The following GPCPD1 variants were observed in gnomAD, a reference collection of about 807,000 sequenced individuals.
The protein encoded by GPCPD1 is glycerophosphocholine phosphodiesterase 1, also known as glycerophosphocholine phosphodiesterase GPCPD1.
A neutral mutation model predicts 89.2 loss-of-function variants in GPCPD1; 29 were observed. The observed-to-expected ratio is 0.33, with a 90% CI of 0.24 to 0.44. The LOEUF (loss-of-function observed/expected upper bound fraction) is 0.44, where lower values mean the gene tolerates loss of function less well. Ranked by LOEUF, GPCPD1 falls within the 20% of genes least tolerant of loss-of-function variation. The pLI, the probability that GPCPD1 is intolerant of heterozygous loss-of-function variation, is 1.00. For missense variants in GPCPD1, 594 were observed against 808.9 expected, an observed-to-expected ratio of 0.73 and a Z score of 3.22; for synonymous variants, 258 against 266.3, an observed-to-expected ratio of 0.97 and a Z score of 0.30.
chr20:5,600,706 C>CA (rs2122791318), intron 2 of GPCPD1, among the ~76,000 whole-genome samples: 1 of 152,290 alleles, frequency 6.6e-6, no homozygotes, highest in South Asian at 2.1e-4. Context: ...GTAGCAGGCA[C>CA]CTGTAATCCC....
At chr20:5,556,931 T>C (rs1354523631) in intron 19 of GPCPD1, among the ~76,000 whole-genome samples, 1 of 152,182 alleles carries the variant, frequency 6.6e-6, no homozygotes, top group Non-Finnish European at 1.5e-5. Context: ...GAATATGTGG[T>C]GTGTCAGATG....
chr20:5,548,813 C>A, intron 19 of GPCPD1: 1 of 529,126 alleles, frequency 1.9e-6, no homozygotes, highest in African/African-American at 2.0e-5. Flanking sequence ...GAGTTAAAAG[C>A]AGGAGCAGAT....
intron 4 of GPCPD1, among the ~76,000 whole-genome samples, chr20:5,589,209 T>C (rs940445801): frequency 3.3e-5 from 5 of 152,146 alleles, no homozygotes; most frequent in African/African-American, 7.2e-5. Flanking sequence ...TGTTATAATA[T>C]AGAAAAAAAA....
chr20:5,579,977 T>C (rs1978344533), intron 7 of GPCPD1, 31 bp downstream of exon 7: 5 of 1,422,534 alleles, frequency 3.5e-6, no homozygotes, highest in East Asian at 4.6e-5. Context: ...TGAAAACAAA[T>C]AGCCTAAGTA....
chr20:5,576,481 C>T (rs1440449650), intron 8 of GPCPD1, among the ~76,000 whole-genome samples: 2 of 150,394 alleles, frequency 1.3e-5, no homozygotes, highest in Non-Finnish European at 3.0e-5. Context: ...CTCACAAAGT[C>T]AACTGAGAAT....
intron 8 of GPCPD1, 56 bp from the exon 9 acceptor site, chr20:5,576,034 T>TAC (rs1978287822): frequency 2.5e-6 from 2 of 810,224 alleles, no homozygotes; most frequent in Admixed American, 2.1e-5. Context: ...ATTACATACA[T>TAC]ACATATACAC....
rs1205280340 is a variant in GPCPD1 at position 5,562,625 on chromosome 20, T to C, written c.1330-1095A>G. On this transcript the variant is annotated intron_variant, in intron 15 of 19. Transcript: ENST00000379019. ...AAAATTTTAGGTATCAAAGAACATG[T>C]ATAGCACATATGGTATTTAATTTTT... Among the ~76,000 whole-genome samples the C allele has an allele frequency of 2.0e-5, 3 of 152,326 alleles. No homozygotes were observed. In the East Asian group the frequency reaches 5.8e-4, roughly 29 times the overall value.
intron 19 of GPCPD1, among the ~76,000 whole-genome samples, chr20:5,557,234 T>A (rs1175869256): frequency 6.6e-6 from 1 of 152,098 alleles, no homozygotes; most frequent in East Asian, 1.9e-4. Flanking sequence ...TGATCAGACA[T>A]AGGTCTTAAA....
rs538778852 is a variant in GPCPD1, at chr20:5,601,710, C to T, written c.49+2654G>A. On this transcript the variant is annotated intron_variant, in intron 2 of 19. Transcript: ENST00000379019. ...AACAAAAAAAACTTCTTCATGGACT[C>T]GTTATTTCTCATCCCCCACATAAAA... is the stretch of plus-strand genomic sequence containing the variant. 2.3e-4 allele frequency among the ~76,000 whole-genome samples: 35 copies of T among 152,162 alleles called. No homozygotes were observed. In the South Asian group the frequency reaches 4.6e-3, roughly 20 times the overall value.
At chr20:5,565,760 GACT>G (rs912345399) in intron 14 of GPCPD1, among the ~76,000 whole-genome samples, 36 of 152,106 alleles carry the variant, frequency 2.4e-4, no homozygotes, top group Admixed American at 1.5e-3. Flanking sequence ...ATTTTGCTAA[GACT>G]ACTATTTGAA....
chr20:5,554,607 C>T (rs1227937632), intron 19 of GPCPD1, among the ~76,000 whole-genome samples: 1 of 152,136 alleles, frequency 6.6e-6, no homozygotes, highest in African/African-American at 2.4e-5. Context: ...ACGTACGGCT[C>T]AGGAAGAAAA....
At chr20:5,569,500 C>T (rs555110502) in intron 12 of GPCPD1, among the ~76,000 whole-genome samples, 1 of 109,442 alleles carries the variant, frequency 9.1e-6, no homozygotes, top group South Asian at 3.2e-4. Flanking sequence ...CATTCTGGAT[C>T]CCCCCCCGCC....
chr20:5,559,788 G>A (rs904363327), intron 17 of GPCPD1, 152 bp downstream of exon 17: 8 of 467,648 alleles, frequency 1.7e-5, no homozygotes, highest in Non-Finnish European at 3.1e-5. Flanking sequence ...CTAGCAAACA[G>A]TCAAGAAAGG....
In GPCPD1 at chr20:5,545,394, T is replaced by C. The variant is rs1168704512; in HGVS notation, c.*2267A>G. 2.0e-5 allele frequency: 3 copies of C among 152,208 alleles called. No homozygotes were observed. The highest frequency in any genetic ancestry group is 4.4e-5 in the Non-Finnish European group (3 of 68,048). The allele number at this position is 152,208 out of a possible 1,614,324, so 9.4% of individuals were successfully genotyped here. ...CTCTGCCTACCTAGAACAGAATTAC[T>C]GTGATGCACAGCCTGATCAAGGTAC... On this transcript the variant is annotated 3_prime_UTR_variant, in exon 20 of 20. Coordinates refer to ENST00000379019, the MANE Select transcript of GPCPD1 (RefSeq NM_019593.5).
chr20:5,600,506 T>C (rs1980051956), intron 2 of GPCPD1, among the ~76,000 whole-genome samples: 1 of 151,898 alleles, frequency 6.6e-6, no homozygotes, highest in African/African-American at 2.4e-5. Flanking sequence ...CTGGACAACA[T>C]GGTGAAACCT....
chr20:5,574,638 T>C (rs1327935843), intron 10 of GPCPD1, among the ~76,000 whole-genome samples: 1 of 151,978 alleles, frequency 6.6e-6, no homozygotes, highest in Non-Finnish European at 1.5e-5. Flanking sequence ...CTGGGGAGAC[T>C]GAGGTGGGAG....
intron 19 of GPCPD1, among the ~76,000 whole-genome samples, chr20:5,550,283 C>CA (rs11476159): frequency 0.22 from 16,698 of 75,794 alleles, 1,489 homozygotes; most frequent in South Asian, 0.28. Context: ...TCAAATGAAG[C>CA]AAAAAAAAAA....
chr20:5,591,308 C>T (rs1021817447), intron 4 of GPCPD1, among the ~76,000 whole-genome samples: 1 of 152,108 alleles, frequency 6.6e-6, no homozygotes, highest in Non-Finnish European at 1.5e-5. Context: ...CCAGAAAAAG[C>T]AGTGCATGGA....
Position 5,578,508 on chromosome 20 carries a change from C to T in GPCPD1, c.577G>A (p.Asp193Asn), listed in dbSNP as rs755047833. The change falls in exon 8 of 20, where the codon GAC (aspartate) becomes AAC (asparagine). Residue 193 changes from aspartate (D) to asparagine (N), a missense_variant. Asp to Asn is a conservative substitution (Grantham distance 23). Coordinates refer to ENST00000379019, the MANE Select transcript of GPCPD1 (RefSeq NM_019593.5). ...GAATGCCTGCACTTGAACTCATTGT[C>T]GCTTATTAAGGATATCTCCAAGCTA... ...SNSLEISLIS[D>N]NEFKCRHSQP... 16 of 1,613,440 alleles carry T rather than the reference C, an allele frequency of 9.9e-6. No homozygotes were observed. Among genetic ancestry groups the T allele is most frequent in the Admixed American group, 6.7e-5 (4 of 60,006 alleles).
Sources: gnomAD v4.1 joint callset for allele counts (sites outside exome capture counted in the v4.1 genomes callset) on GRCh38, gnomAD v4.1.1 for gene constraint, MANE v1.5 for transcripts, NCBI Gene and HGNC (gene_info 2026-07-23, HGNC 2026-07-21) for gene names.